NHS: variants seen among roughly 807,000 people sequenced by gnomAD.
NHS encodes NHS actin remodeling regulator.
NHS carries 5 observed loss-of-function variants against 72.5 expected under a neutral mutation model. The observed-to-expected ratio is 0.07, with a 90% CI of 0.04 to 0.14. The LOEUF (loss-of-function observed/expected upper bound fraction) is 0.14. NHS is among the 10% of genes least tolerant of loss of function. The pLI is 1.00. For synonymous variants in NHS, 464 were observed against 547.7 expected (o/e 0.85, Z 2.13); for missense variants, 1,072 against 1,355.7 (o/e 0.79, Z 3.29).
At chrX:17,605,651 G>A (rs2065674909) in intron 1 of NHS, among the ~76,000 whole-genome samples, 1 of 110,676 alleles carries the variant, frequency 9.0e-6, no homozygotes, top group Non-Finnish European at 1.9e-5. Context: ...CATTGCCAAG[G>A]AGCGCCATTC....
intron 1 of NHS, among the ~76,000 whole-genome samples, chrX:17,430,974 TTCTTC>T (rs1457812434): frequency 4.4e-5 from 5 of 112,415 alleles, no homozygotes; most frequent in African/African-American, 1.6e-4. Context: ...ATGTTCTCAT[TTCTTC>T]TCTTATATAC....
At chrX:17,518,747 C>T (rs1421902852) in intron 1 of NHS, among the ~76,000 whole-genome samples, 2 of 111,829 alleles carry the variant, frequency 1.8e-5, no homozygotes, top group East Asian at 5.6e-4. Context: ...ACACCAGAGT[C>T]ACCTGGGGAG....
intron 1 of NHS, among the ~76,000 whole-genome samples, chrX:17,433,489 G>A (rs1402385089): frequency 9.0e-6 from 1 of 110,571 alleles, no homozygotes; most frequent in African/African-American, 3.3e-5. Context: ...CTAGGGCATG[G>A]CTGGTTAGAG....
At chrX:17,624,422 TA>T (rs1442392011) in intron 1 of NHS, among the ~76,000 whole-genome samples, 9 of 112,608 alleles carry the variant, frequency 8.0e-5, no homozygotes, top group Non-Finnish European at 1.3e-4. Flanking sequence ...GGTCAAGACT[TA>T]AAACATTATT....
chrX:17,693,616 A>T (rs763969014), intron 3 of NHS, among the ~76,000 whole-genome samples: 1 of 112,804 alleles, frequency 8.9e-6, no homozygotes, highest in Non-Finnish European at 1.9e-5. Flanking sequence ...ATGAACCCAC[A>T]TGATATAACA....
At position 17,564,118 on chromosome X, in the gene NHS, C is replaced by A. The variant is rs146446775; in HGVS notation, c.566-123624C>A. Among the ~76,000 whole-genome samples the A allele has an allele frequency of 2.1e-3, 230 of 111,729 alleles. 2 individuals are homozygous for A. Among genetic ancestry groups the A allele is most frequent in the Middle Eastern group, 4.6e-3 (1 of 216 alleles). ...TTACCTCGCAGATCAATAATGAATA[C>A]AATTTTAGAAGTAGACAGACCCGAA... On this transcript the variant is annotated intron_variant, in intron 1 of 8. Coordinates refer to ENST00000676302, the MANE Select transcript of NHS (RefSeq NM_001291867.2).
intron 1 of NHS, among the ~76,000 whole-genome samples, chrX:17,506,679 A>G (rs1271450538): frequency 9.0e-6 from 1 of 111,357 alleles, no homozygotes; most frequent in East Asian, 2.8e-4. Context: ...AGAGAGGGTA[A>G]CTACAGAAAT....
chrX:17,386,663 CAAAA>C (rs1184465152), intron 1 of NHS, among the ~76,000 whole-genome samples: 1 of 38,440 alleles, frequency 2.6e-5, no homozygotes, highest in African/African-American at 9.0e-5. Context: ...AACTCTGTCT[CAAAA>C]AAAAAAAAAA....
At chrX:17,547,354 C>CT (rs2146956552) in intron 1 of NHS, among the ~76,000 whole-genome samples, 1 of 112,028 alleles carries the variant, frequency 8.9e-6, no homozygotes, top group South Asian at 3.7e-4. Context: ...TGGATACCCC[C>CT]TTTTTTCGTG....
chrX:17,427,429 G>A (rs965490719), intron 1 of NHS, among the ~76,000 whole-genome samples: 2 of 112,423 alleles, frequency 1.8e-5, no homozygotes, highest in African/African-American at 6.5e-5. Context: ...TCATGCCGCT[G>A]TTGTTATGAT....
At chrX:17,592,338 T>C (rs1223020358) in intron 1 of NHS, among the ~76,000 whole-genome samples, 7 of 112,009 alleles carry the variant, frequency 6.2e-5, no homozygotes, top group Middle Eastern at 4.6e-3. Context: ...TATTTAGCTT[T>C]TGTGTCAGCC....
chrX:17,684,780 C>T (rs2066152183), intron 1 of NHS, among the ~76,000 whole-genome samples: 1 of 112,093 alleles, frequency 8.9e-6, no homozygotes, highest in African/African-American at 3.2e-5. Context: ...GGGGATTATA[C>T]AGGGTATGTG....
At chrX:17,678,588 G>A (rs187038382) in intron 1 of NHS, among the ~76,000 whole-genome samples, 5 of 110,739 alleles carry the variant, frequency 4.5e-5, no homozygotes, top group South Asian at 7.8e-4. Context: ...TCACTATTGC[G>A]ACGGCAGCAG....
chrX:17,525,635 TTTC>T (rs1227697499), intron 1 of NHS, among the ~76,000 whole-genome samples: 2 of 104,203 alleles, frequency 1.9e-5, no homozygotes, highest in African/African-American at 7.4e-5. Flanking sequence ...TTTTCTTTCT[TTTC>T]TTTTTTTTTT....
intron 1 of NHS, among the ~76,000 whole-genome samples, chrX:17,484,832 A>G (rs757905321): frequency 9.0e-6 from 1 of 110,536 alleles, no homozygotes; most frequent in Non-Finnish European, 1.9e-5. Context: ...GTTGTTTGCT[A>G]TCTCTAGGAA....
chrX:17,539,639 T>C (rs2065252877), intron 1 of NHS, among the ~76,000 whole-genome samples: 1 of 111,410 alleles, frequency 9.0e-6, no homozygotes, highest in Non-Finnish European at 1.9e-5. Context: ...GGGAAGTTTC[T>C]CCTTGTGCAG....
intron 5 of NHS, among the ~76,000 whole-genome samples, chrX:17,723,791 G>A (rs1350848198): frequency 9.3e-6 from 1 of 107,121 alleles, no homozygotes; most frequent in African/African-American, 3.5e-5. Flanking sequence ...GCGCGCATGG[G>A]GAATGCAAGA....
chrX:17,387,782 A>G (rs758568445), intron 1 of NHS, among the ~76,000 whole-genome samples: 8 of 112,964 alleles, frequency 7.1e-5, no homozygotes, highest in Non-Finnish European at 1.3e-4. Flanking sequence ...TTCATCTGCT[A>G]TGGAGTGGAG....
intron 1 of NHS, among the ~76,000 whole-genome samples, chrX:17,522,200 C>G (rs749350745): frequency 8.9e-6 from 1 of 112,580 alleles, no homozygotes; most frequent in African/African-American, 3.2e-5. Flanking sequence ...TTCTGATTCT[C>G]TGCTTTGTGC....
Sources: allele counts gnomAD v4.1 joint callset (sites outside exome capture counted in the v4.1 genomes callset), GRCh38; gene constraint gnomAD v4.1.1; transcripts MANE v1.5; gene names NCBI Gene and HGNC (gene_info 2026-07-23, HGNC 2026-07-21).